Variants in BCAT1 observed in about 807,000 individuals in gnomAD.
BCAT1 encodes branched chain amino acid transaminase 1.
In BCAT1, 48 loss-of-function variants were observed where a neutral mutation model predicts 52.4. The ratio of observed to expected loss-of-function variants is 0.92; its 90% CI spans 0.73 to 1.16. The LOEUF (loss-of-function observed/expected upper bound fraction) is 1.16. Among genes scored for constraint, BCAT1 ranks in the 50% most tolerant of loss-of-function variants. BCAT1 has a pLI of 0.00. For synonymous variants in BCAT1, 167 were observed against 161.3 expected (o/e 1.04, Z -0.27); for missense variants, 451 against 457.1 (o/e 0.99, Z 0.12).
chr12:24,829,453 T>C (rs1380786792), intron 10 of BCAT1, among the ~76,000 whole-genome samples: 1 of 152,228 alleles, frequency 6.6e-6, no homozygotes, highest in African/African-American at 2.4e-5. Flanking sequence ...CACTGTAATT[T>C]TCTTCCTGAA....
intron 5 of BCAT1, among the ~76,000 whole-genome samples, chr12:24,853,401 GGT>G (rs1941573955): frequency 6.6e-6 from 1 of 152,090 alleles, no homozygotes; most frequent in Admixed American, 6.6e-5. Context: ...CTAAGCATTA[GGT>G]ACATATAGAC....
At chr12:24,841,545 T>G (rs1219729484) in intron 7 of BCAT1, among the ~76,000 whole-genome samples, 2 of 152,192 alleles carry the variant, frequency 1.3e-5, no homozygotes, top group Non-Finnish European at 2.9e-5. Flanking sequence ...AGTATCTCAA[T>G]AATCAGTACA....
chr12:24,880,762 C>G (rs1942467862), intron 4 of BCAT1, among the ~76,000 whole-genome samples: 1 of 151,936 alleles, frequency 6.6e-6, no homozygotes, highest in Non-Finnish European at 1.5e-5. Context: ...CTCTCACTTG[C>G]ATATGAATCC....
intron 1 of BCAT1, among the ~76,000 whole-genome samples, chr12:24,932,873 G>A (rs993538925): frequency 5.3e-5 from 8 of 151,506 alleles, no homozygotes; most frequent in Admixed American, 2.0e-4. Flanking sequence ...GTGCAGTGGC[G>A]CAACCTCGGC....
At chr12:24,834,895 C>T (rs1940852049) in intron 8 of BCAT1, 5 of 660,102 alleles carry the variant, frequency 7.6e-6, no homozygotes, top group Non-Finnish European at 9.5e-6. Context: ...GGACAATTTC[C>T]CCTATCTGGC....
intron 3 of BCAT1, among the ~76,000 whole-genome samples, chr12:24,883,009 G>A (rs1216364617): frequency 2.6e-5 from 4 of 152,160 alleles, no homozygotes; most frequent in Admixed American, 2.6e-4. Context: ...CTTCAAGGCT[G>A]GGTGTGATGG....
In BCAT1 at chr12:24,849,883, A is replaced by G; in HGVS notation, c.577T>C (p.Tyr193His). The part of the protein sequence containing the change: ...LFVLLSPVGP[Y>H]FSSGTFNPVS... Reference sequence around the variant, plus strand: ...GGATTAAAGGTTCCACTTGAAAAATAAGGTCCCACTGGGCTCAAGAGTACA... The same window carrying G: ...GGATTAAAGGTTCCACTTGAAAAATGAGGTCCCACTGGGCTCAAGAGTACA... Residue 193 changes from tyrosine to histidine, a missense_variant, in exon 6 of 11, where the codon TAT (tyrosine) becomes CAT (histidine). By Grantham distance (83) the Tyr-to-His change is moderately conservative (BLOSUM62 2). Coordinates refer to ENST00000261192, the MANE Select transcript of BCAT1 (RefSeq NM_005504.7). The G allele has an allele frequency of 6.2e-7, 1 of 1,613,882 alleles. No homozygotes were observed. Among genetic ancestry groups the G allele is most frequent in the Non-Finnish European group, 8.5e-7 (1 of 1,179,808 alleles).
At chr12:24,893,391 G>C (rs1942889995) in intron 3 of BCAT1, among the ~76,000 whole-genome samples, 1 of 152,138 alleles carries the variant, frequency 6.6e-6, no homozygotes, top group Non-Finnish European at 1.5e-5. Context: ...AAGCACAAAT[G>C]ATTAAATTCC....
intron 6 of BCAT1, among the ~76,000 whole-genome samples, chr12:24,846,529 C>T (rs1419539958): frequency 1.3e-5 from 2 of 152,006 alleles, no homozygotes; most frequent in Non-Finnish European, 2.9e-5. Context: ...TAAATACATC[C>T]CTCCAAAAGA....
chr12:24,928,497 G>A (rs1293479734), intron 1 of BCAT1, among the ~76,000 whole-genome samples: 5 of 151,898 alleles, frequency 3.3e-5, no homozygotes, highest in Non-Finnish European at 5.9e-5. Flanking sequence ...TAAATTAGCC[G>A]GGTGTGGTGG....
At chr12:24,829,480 A>G (rs752083986) in intron 10 of BCAT1, among the ~76,000 whole-genome samples, 11 of 152,176 alleles carry the variant, frequency 7.2e-5, no homozygotes, top group African/African-American at 1.2e-4. Context: ...TCTACTTTCA[A>G]ATTTTTTCTT....
At chr12:24,826,363 A>G (rs1180686985) in intron 10 of BCAT1, among the ~76,000 whole-genome samples, 2 of 152,148 alleles carry the variant, frequency 1.3e-5, no homozygotes, top group East Asian at 3.8e-4. Flanking sequence ...ATAATTATCC[A>G]ATTTTCCCAG....
chr12:24,829,585 T>C (rs1940560951), intron 10 of BCAT1, among the ~76,000 whole-genome samples: 1 of 152,026 alleles, frequency 6.6e-6, no homozygotes, highest in South Asian at 2.1e-4. Context: ...TAATGTGGAG[T>C]CCTGAACAAT....
intron 3 of BCAT1, among the ~76,000 whole-genome samples, chr12:24,892,091 T>TTTGTTTTG (rs1942862060): frequency 6.6e-6 from 1 of 151,056 alleles, no homozygotes. Context: ...TTTGTTTTGT[T>TTTGTTTTG]TTGTTTCAAT....
At chr12:24,833,957 A>G in intron 8 of BCAT1, 1 of 168,606 alleles carries the variant, frequency 5.9e-6, no homozygotes, top group Non-Finnish European at 1.2e-5. Context: ...AGCACCTGGG[A>G]CTACAGGTGT....
chr12:24,875,006 C>CAAAAAAAAAAAAAAAAAA (rs11370314), intron 5 of BCAT1, among the ~76,000 whole-genome samples: 1 of 138,014 alleles, frequency 7.2e-6, no homozygotes, highest in Non-Finnish European at 1.6e-5. Flanking sequence ...AAGACAGGAC[C>CAAAAAAAAAAAAAAAAAA]AAAAAAAAAA....
At chr12:24,924,694 G>A (rs372427455) in intron 1 of BCAT1, among the ~76,000 whole-genome samples, 7 of 152,020 alleles carry the variant, frequency 4.6e-5, no homozygotes, top group South Asian at 2.1e-4. Context: ...ATATTGATCC[G>A]TATTAAAAGA....
At chr12:24,931,979 A>G (rs1199607294) in intron 1 of BCAT1, among the ~76,000 whole-genome samples, 1 of 152,198 alleles carries the variant, frequency 6.6e-6, no homozygotes, top group Non-Finnish European at 1.5e-5. Flanking sequence ...GTACAGAGAC[A>G]AAAAAGAAAA....
chr12:24,902,710 A>AT, intron 1 of BCAT1: 1 of 606,258 alleles, frequency 1.6e-6, no homozygotes, highest in Non-Finnish European at 2.7e-6. Context: ...CGGGTTACCC[A>AT]TGAGGGTGCT....
Sources: gnomAD v4.1 joint callset for allele counts (sites outside exome capture counted in the v4.1 genomes callset) on GRCh38, gnomAD v4.1.1 for gene constraint, MANE v1.5 for transcripts, NCBI Gene and HGNC (gene_info 2026-07-23, HGNC 2026-07-21) for gene names.